DTNB: variants seen among roughly 807,000 people sequenced by gnomAD.
DTNB encodes the protein DTN-B.
A neutral mutation model predicts 90.7 loss-of-function variants in DTNB; 63 were observed. That is an observed-to-expected ratio of 0.69 (90% CI 0.57 to 0.86). The LOEUF is 0.86. Among genes scored for constraint, DTNB ranks in the 40% least tolerant of loss-of-function variants. DTNB has a pLI of 0.00. For missense variants in DTNB, 744 were observed against 807.1 expected, an observed-to-expected ratio of 0.92 and a Z score of 0.95; for synonymous variants, 277 against 286.7, an observed-to-expected ratio of 0.97 and a Z score of 0.34.
intron 16 of DTNB, among the ~76,000 whole-genome samples, chr2:25,407,934 T>C (rs1327994588): frequency 6.6e-6 from 1 of 152,050 alleles, no homozygotes; most frequent in Non-Finnish European, 1.5e-5. Flanking sequence ...ATAAAAAAAA[T>C]ATTTAACAAA....
chr2:25,515,903 G>A (rs929715190), intron 9 of DTNB, among the ~76,000 whole-genome samples: 4 of 152,096 alleles, frequency 2.6e-5, no homozygotes, highest in African/African-American at 9.7e-5. Flanking sequence ...GTTAACAACA[G>A]GGGAAACTAA....
chr2:25,461,668 C>T (rs146536398), intron 10 of DTNB, among the ~76,000 whole-genome samples: 75 of 152,244 alleles, frequency 4.9e-4, no homozygotes, highest in African/African-American at 1.7e-3. Context: ...AAACAATGTA[C>T]GGAGCACCTA....
chr2:25,611,159 T>C (rs1439022691), intron 4 of DTNB, among the ~76,000 whole-genome samples: 5 of 152,232 alleles, frequency 3.3e-5, no homozygotes, highest in East Asian at 1.9e-4. Context: ...TTGTTACATA[T>C]ATTAGTTCAT....
chr2:25,503,738 C>T (rs1050905233), intron 9 of DTNB, among the ~76,000 whole-genome samples: 4 of 150,776 alleles, frequency 2.7e-5, no homozygotes, highest in Non-Finnish European at 4.4e-5. Context: ...CACGGTGAAA[C>T]CCCATCTCTA....
chr2:25,635,953 G>T (rs190056496), intron 3 of DTNB, among the ~76,000 whole-genome samples: 1 of 151,962 alleles, frequency 6.6e-6, no homozygotes, highest in Non-Finnish European at 1.5e-5. Context: ...AACACAAGAG[G>T]GTCAAAAAGC....
chr2:25,568,446 G>C (rs529941395), intron 8 of DTNB, among the ~76,000 whole-genome samples: 1 of 151,632 alleles, frequency 6.6e-6, no homozygotes, highest in Admixed American at 6.6e-5. Flanking sequence ...GGAAAAGGAA[G>C]GTTAAGGCTA....
intron 9 of DTNB, among the ~76,000 whole-genome samples, chr2:25,526,374 T>TAA (rs2077103362): frequency 3.1e-5 from 1 of 31,940 alleles, no homozygotes; most frequent in African/African-American, 2.9e-4. Context: ...TATATATATA[T>TAA]ATATATATAT....
intron 10 of DTNB, among the ~76,000 whole-genome samples, chr2:25,471,194 T>A (rs754792556): frequency 6.6e-6 from 1 of 152,100 alleles, no homozygotes; most frequent in Non-Finnish European, 1.5e-5. Context: ...GCTCTATAGG[T>A]TCTCTGGCAC....
intron 6 of DTNB, among the ~76,000 whole-genome samples, chr2:25,583,270 T>C (rs542378681): frequency 1.0e-4 from 15 of 146,308 alleles, no homozygotes; most frequent in Non-Finnish European, 1.6e-4. Flanking sequence ...AAAATATATA[T>C]ATATATATAT....
intron 6 of DTNB, among the ~76,000 whole-genome samples, chr2:25,595,460 C>T (rs772002725): frequency 2.0e-5 from 3 of 152,098 alleles, no homozygotes; most frequent in Non-Finnish European, 2.9e-5. Flanking sequence ...CTAATCTCTA[C>T]GTTAACAAAT....
chr2:25,589,510 A>G (rs2063149418), intron 6 of DTNB, among the ~76,000 whole-genome samples: 1 of 148,844 alleles, frequency 6.7e-6, no homozygotes, highest in South Asian at 2.1e-4. Context: ...CCTCCTGAGT[A>G]GCTGGGACTA....
At position 25,419,552 on chromosome 2, in the gene DTNB, G is replaced by A; in HGVS notation, c.1555-17C>T. On this transcript the variant is annotated splice_polypyrimidine_tract_variant and intron_variant, in intron 15 of 20. Transcript: ENST00000406818. ...CTCTTCCTCCTGGAGTGTTGAAGAT[G>A]AAAAAAAAAGGCAGAGGAAAAAAGG... 20 of 1,525,516 alleles carry A rather than the reference G, an allele frequency of 1.3e-5. No individual in the cohort carries two copies. Among genetic ancestry groups the A allele is most frequent in the Admixed American group, 8.8e-5 (4 of 45,454 alleles). 94.5% of individuals were successfully genotyped at this position (1,525,516 alleles called of 1,614,324 possible).
intron 3 of DTNB, among the ~76,000 whole-genome samples, chr2:25,636,063 A>C (rs558112650): frequency 3.3e-5 from 5 of 152,318 alleles, no homozygotes; most frequent in Non-Finnish European, 5.9e-5. Context: ...TTTAGCAGTA[A>C]AGAAAATTGT....
chr2:25,640,729 A>C (rs866256931), intron 2 of DTNB, among the ~76,000 whole-genome samples: 8 of 151,958 alleles, frequency 5.3e-5, no homozygotes, highest in Admixed American at 1.3e-4. Flanking sequence ...TTTTTTGGCC[A>C]GGCGCGGTGG....
intron 6 of DTNB, among the ~76,000 whole-genome samples, chr2:25,581,957 C>T (rs1312060844): frequency 2.0e-5 from 3 of 152,146 alleles, no homozygotes; most frequent in Non-Finnish European, 4.4e-5. Flanking sequence ...GTGGCTGGGG[C>T]GAAGCCAAAA....
rs1309761018 is a variant in DTNB, at chr2:25,564,516, G to A, written c.876+12322C>T. Among the ~76,000 whole-genome samples, 6 of 151,946 alleles carry A rather than the reference G, an allele frequency of 3.9e-5. No homozygotes were observed. In the East Asian group the frequency reaches 1.2e-3, roughly 29 times the overall value. On this transcript the variant is annotated intron_variant, in intron 8 of 20. Transcript: ENST00000406818. Reference sequence around the variant, plus strand: ...CTGCCTCAGCCTCCCAAGTAGCTGGGACTACAGGCACGCGCCACCACACCT... The same window carrying A: ...CTGCCTCAGCCTCCCAAGTAGCTGGAACTACAGGCACGCGCCACCACACCT...
At chr2:25,580,559 A>G (rs1202111220) in intron 7 of DTNB, among the ~76,000 whole-genome samples, 162 bp downstream of exon 7, 1 of 148,896 alleles carries the variant, frequency 6.7e-6, no homozygotes, top group Non-Finnish European at 1.5e-5. Flanking sequence ...CCCTTTTTTA[A>G]AAAAAAATTC....
At chr2:25,580,979 A>G (rs2061479214) in intron 6 of DTNB, among the ~76,000 whole-genome samples, 153 bp from the exon 7 acceptor site, 1 of 152,258 alleles carries the variant, frequency 6.6e-6, no homozygotes, top group South Asian at 2.1e-4. Flanking sequence ...AGACACTACT[A>G]CATGCTGTAC....
chr2:25,623,099 C>T lies in DTNB; in HGVS notation c.362+5072G>A, dbSNP rs377322965. ...AGTAGAAATGCCAACAATCAGAAAA[C>T]GAGAAAACAAAAACAGAGGAAATAT... On this transcript the variant is annotated intron_variant, in intron 4 of 20. Transcript: ENST00000406818. 5.3e-5 allele frequency among the ~76,000 whole-genome samples: 8 copies of T among 152,072 alleles called. No homozygotes were observed. In the South Asian group the frequency reaches 1.7e-3, roughly 32 times the overall value.
Sources: gnomAD v4.1 joint callset for allele counts (sites outside exome capture counted in the v4.1 genomes callset) on GRCh38, gnomAD v4.1.1 for gene constraint, MANE v1.5 for transcripts, NCBI Gene and HGNC (gene_info 2026-07-23, HGNC 2026-07-21) for gene names.